RCAN2: variants seen among roughly 807,000 people sequenced by gnomAD.
The protein encoded by RCAN2 is calcipressin-2.
A neutral mutation model predicts 23.6 loss-of-function variants in RCAN2; 9 were observed. The observed-to-expected ratio is 0.38, with a 90% CI of 0.23 to 0.67. RCAN2 has a LOEUF of 0.67. Among genes scored for constraint, RCAN2 ranks in the 30% least tolerant of loss-of-function variants. The pLI, the probability that RCAN2 is intolerant of heterozygous loss-of-function variation, is 0.51. For missense variants in RCAN2, 273 were observed against 302.3 expected (o/e 0.90, Z 0.72); for synonymous variants, 109 against 115.7 (o/e 0.94, Z 0.37).
At chr6:46,411,335 G>A (rs1333243138) in intron 2 of RCAN2, among the ~76,000 whole-genome samples, 2 of 152,194 alleles carry the variant, frequency 1.3e-5, no homozygotes, top group African/African-American at 4.8e-5. Flanking sequence ...GGCCTGGGAG[G>A]ATGGGGAGCT....
intron 2 of RCAN2, among the ~76,000 whole-genome samples, chr6:46,422,962 C>G (rs1047318141): frequency 1.3e-5 from 2 of 152,154 alleles, no homozygotes; most frequent in African/African-American, 4.8e-5. Context: ...AACTTCTTGT[C>G]AAGTATGCAT....
chr6:46,344,860 C>T (rs1247961429), intron 2 of RCAN2, among the ~76,000 whole-genome samples: 2 of 151,900 alleles, frequency 1.3e-5, no homozygotes, highest in African/African-American at 4.8e-5. Flanking sequence ...TAAACTCAAT[C>T]ACATTAATAA....
intron 1 of RCAN2, among the ~76,000 whole-genome samples, chr6:46,478,732 G>T (rs1582235258): frequency 1.3e-5 from 2 of 152,236 alleles, no homozygotes; most frequent in African/African-American, 2.4e-5. Context: ...ATTTAACAGG[G>T]ACCTGCTTTT....
intron 2 of RCAN2, among the ~76,000 whole-genome samples, chr6:46,411,971 G>A (rs1766563660): frequency 1.3e-5 from 2 of 152,158 alleles, no homozygotes; most frequent in Non-Finnish European, 1.5e-5. Flanking sequence ...TCAGATTCGT[G>A]TTATGTAAAG....
chr6:46,286,899 G>T (rs1418261105), intron 2 of RCAN2, among the ~76,000 whole-genome samples: 2 of 152,148 alleles, frequency 1.3e-5, no homozygotes, highest in East Asian at 3.9e-4. Flanking sequence ...CAGCTACTCG[G>T]GAGGCTGAGG....
chr6:46,230,851 G>A (rs1336427300), intron 4 of RCAN2, among the ~76,000 whole-genome samples: 2 of 152,172 alleles, frequency 1.3e-5, no homozygotes, highest in Non-Finnish European at 2.9e-5. Flanking sequence ...CTCACGCTGG[G>A]AGCTGTAGAC....
chr6:46,401,278 C>T (rs796398118), intron 2 of RCAN2, among the ~76,000 whole-genome samples: 5 of 152,306 alleles, frequency 3.3e-5, no homozygotes, highest in African/African-American at 1.2e-4. Context: ...CCAACCTAGG[C>T]AGGGACCAAT....
At chr6:46,339,023 A>AAAAAG (rs1764225781) in intron 2 of RCAN2, among the ~76,000 whole-genome samples, 1 of 150,636 alleles carries the variant, frequency 6.6e-6, no homozygotes, top group Non-Finnish European at 1.5e-5. Context: ...TCAAAAAAAA[A>AAAAAG]AAAAAAAAAA....
intron 2 of RCAN2, among the ~76,000 whole-genome samples, chr6:46,392,785 A>T (rs549297236): frequency 4.4e-4 from 67 of 152,334 alleles, no homozygotes; most frequent in Non-Finnish European, 7.8e-4. Context: ...TTTAAAAACA[A>T]ATCCTCCTTG....
intron 1 of RCAN2, among the ~76,000 whole-genome samples, chr6:46,485,157 T>C (rs1768963947): frequency 6.6e-6 from 1 of 152,220 alleles, no homozygotes; most frequent in South Asian, 2.1e-4. Context: ...CAAGGTAGTA[T>C]ATATGATATC....
chr6:46,476,718 GT>G (rs1176346173), intron 1 of RCAN2, among the ~76,000 whole-genome samples: 4 of 152,112 alleles, frequency 2.6e-5, no homozygotes. Context: ...TTTGTTCTAG[GT>G]TTTTTAAACA....
Position 46,483,543 on chromosome 6 carries a change from A to C in RCAN2, c.-3+7630T>G, listed in dbSNP as rs540039493. On this transcript the variant is annotated intron_variant, in intron 1 of 4. Transcript: ENST00000371374. ...TTCATGTGTTGTGGCACTTAGACAC[A>C]AGGTCAGAAGGTCAGCCTTTGAAAA... is the stretch of plus-strand genomic sequence containing the variant. Among the ~76,000 whole-genome samples the C allele has an allele frequency of 3.3e-5, 5 of 152,310 alleles. No individual in the cohort carries two copies. In the East Asian group the frequency reaches 9.7e-4, roughly 29 times the overall value.
intron 2 of RCAN2, among the ~76,000 whole-genome samples, chr6:46,327,550 A>T (rs1763833624): frequency 6.6e-6 from 1 of 152,218 alleles, no homozygotes; most frequent in South Asian, 2.1e-4. Context: ...TAAATGGGGG[A>T]TCTACCTGTA....
chr6:46,344,502 A>AAAT (rs61675215), intron 2 of RCAN2, among the ~76,000 whole-genome samples: 63,765 of 151,588 alleles, frequency 0.42, 14,822 homozygotes, highest in East Asian at 0.6. Context: ...AAAAGCAAAA[A>AAAT]AATGAATTAT....
At chr6:46,419,767 A>C (rs2150411624) in intron 2 of RCAN2, among the ~76,000 whole-genome samples, 1 of 152,338 alleles carries the variant, frequency 6.6e-6, no homozygotes, top group South Asian at 2.1e-4. Flanking sequence ...CTTGGAAAGA[A>C]AGCCTCACGT....
chr6:46,405,241 G>A (rs377629533), intron 2 of RCAN2, among the ~76,000 whole-genome samples: 10 of 152,154 alleles, frequency 6.6e-5, no homozygotes, highest in Admixed American at 4.6e-4. Flanking sequence ...GATCTTCACC[G>A]TGAGTGTTAC....
At chr6:46,314,543 G>T (rs1763372537) in intron 2 of RCAN2, among the ~76,000 whole-genome samples, 1 of 151,646 alleles carries the variant, frequency 6.6e-6, no homozygotes, top group Admixed American at 6.6e-5. Context: ...ACTGAACTCA[G>T]TTGGGCAATT....
At chr6:46,483,356 G>C (rs1252456504) in intron 1 of RCAN2, among the ~76,000 whole-genome samples, 2 of 152,106 alleles carry the variant, frequency 1.3e-5, no homozygotes. Flanking sequence ...CATACACGTA[G>C]GGGCTATGAT....
chr6:46,262,717 A>G (rs987854821), intron 2 of RCAN2, among the ~76,000 whole-genome samples: 1 of 152,180 alleles, frequency 6.6e-6, no homozygotes, highest in East Asian at 1.9e-4. Context: ...AAGGCCCTTC[A>G]TAAAATGGCT....
Sources: gnomAD v4.1 joint callset for allele counts (sites outside exome capture counted in the v4.1 genomes callset) on GRCh38, gnomAD v4.1.1 for gene constraint, MANE v1.5 for transcripts, NCBI Gene and HGNC (gene_info 2026-07-23, HGNC 2026-07-21) for gene names.